The following CHMP4A variants were observed in gnomAD, a reference collection of about 807,000 sequenced individuals.
The protein encoded by CHMP4A is charged multivesicular body protein 4A.
In CHMP4A, 29 loss-of-function variants were observed where a neutral mutation model predicts 28.2. That is an observed-to-expected ratio of 1.03 (90% confidence interval 0.77 to 1.40). The LOEUF (loss-of-function observed/expected upper bound fraction) is 1.40. CHMP4A is among the 40% of genes most tolerant of loss of function. The pLI is 0.00. For synonymous variants in CHMP4A, 88 were observed against 99.3 expected, an observed-to-expected ratio of 0.89 and a Z score of 0.67; for missense variants, 241 against 263.5, an observed-to-expected ratio of 0.91 and a Z score of 0.59.
chr14:24,210,036 GTCTCCCCAGC>G, intron 5 of CHMP4A, 101 bp from the exon 6 acceptor site: 2 of 1,152,422 alleles, frequency 1.7e-6, no homozygotes, highest in Admixed American at 1.7e-5. Context: ...GCTGAATTCT[GTCTCCCCAGC>G]AAAAAACCTA....
Position 24,210,683 on chromosome 14 carries a change from G to A in CHMP4A, c.445C>T (p.Pro149Ser). Residue 149 changes from proline to serine, a missense_variant, in exon 4 of 6, where the codon CCT becomes TCT. Transcript: ENST00000347519. ...TCCACATCATCTCCAAAGCCCATAGGCCGAGAAATGGCATCTGAGATCTGC... is the reference window on the plus strand; with the variant it reads ...TCCACATCATCTCCAAAGCCCATAGACCGAGAAATGGCATCTGAGATCTGC... ...AQQISDAISRPMGFGDDVDED... is the reference protein window; with the variant it reads ...AQQISDAISRSMGFGDDVDED... 1.2e-6 allele frequency: 2 copies of A among 1,613,880 alleles called. No individual in the cohort carries two copies. Among genetic ancestry groups the A allele is most frequent in the Non-Finnish European group, 8.5e-7 (1 of 1,179,844 alleles).
rs1219149472 is a variant in CHMP4A, at chr14:24,209,761, A to G, written c.*116T>C. 2.1e-6 allele frequency: 2 copies of G among 958,494 alleles called. No individual in the cohort carries two copies. The highest frequency in any genetic ancestry group is 3.4e-6 in the Non-Finnish European group (2 of 594,568). 59.4% of individuals were successfully genotyped at this position (958,494 alleles called of 1,614,324 possible). Reference sequence around the variant, plus strand: ...AGAGACCCTTTTTTCAGGCAGGGTCACACTACCACCCTCAGCATGACTTCC... The same window carrying G: ...AGAGACCCTTTTTTCAGGCAGGGTCGCACTACCACCCTCAGCATGACTTCC... On this transcript the variant is annotated 3_prime_UTR_variant, in exon 6 of 6. Transcript: ENST00000347519.
intron 5 of CHMP4A, 141 bp downstream of exon 5, chr14:24,210,207 A>G (rs61998486): frequency 1.7e-6 from 2 of 1,146,830 alleles, no homozygotes; most frequent in Non-Finnish European, 2.5e-6. Context: ...GTGGGTGCCT[A>G]TATGCAGTCA....
intron 1 of CHMP4A, 42 bp downstream of exon 1, chr14:24,213,367 C>T: frequency 6.5e-7 from 1 of 1,526,956 alleles, no homozygotes; most frequent in Non-Finnish European, 8.7e-7. Flanking sequence ...TTCCCCTGCA[C>T]CAGCCAGCGC....
chr14:24,210,370 A>G lies in CHMP4A; in HGVS notation c.588T>C (p.Ser196=). 1 of 1,614,086 alleles carries G rather than the reference A, an allele frequency of 6.2e-7. No homozygotes were observed. The highest frequency in any genetic ancestry group is 8.5e-7 in the Non-Finnish European group (1 of 1,180,006). The change falls in exon 5 of 6, where the codon TCT becomes TCC. Residue 196 remains serine, a synonymous_variant. Coordinates refer to ENST00000347519, the MANE Select transcript of CHMP4A (RefSeq NM_014169.5). ...EPSVKLPSVP[S]THLPAGPAPK... ...TACCTGGCCCTGCCGGCAGATGAGT[A>G]GAAGGTACACTAGGCAATTTGACTG...
At chr14:24,209,985 T>C (rs536322257) in intron 5 of CHMP4A, 50 bp from the exon 6 acceptor site, 7 of 1,516,592 alleles carry the variant, frequency 4.6e-6, no homozygotes, top group Non-Finnish European at 6.4e-6. Flanking sequence ...CAGTAAGGTC[T>C]CAGCAACTCC....
In CHMP4A at chr14:24,210,387, A is replaced by G. The variant is rs2039581355; in HGVS notation, c.571T>C (p.Leu191=). 6.2e-7 allele frequency: 1 copy of G among 1,613,950 alleles called. No individual in the cohort carries two copies. The highest frequency in any genetic ancestry group is 8.5e-7 in the Non-Finnish European group (1 of 1,180,016). ...GDKEEEPSVK[L]PSVPSTHLPA... ...AGATGAGTAGAAGGTACACTAGGCA[A>G]TTTGACTGAGGGTTCTTCTTCCTTG... Residue 191 remains leucine (L), a synonymous_variant, in exon 5 of 6, where the codon TTG becomes CTG. Coordinates refer to ENST00000347519, the MANE Select transcript of CHMP4A (RefSeq NM_014169.5).
intron 3 of CHMP4A, chr14:24,211,133 G>A (rs1344806585): frequency 1.2e-5 from 5 of 413,242 alleles, no homozygotes; most frequent in East Asian, 4.2e-5. Context: ...GCAGTGAGCC[G>A]AGATTGTGCC....
intron 3 of CHMP4A, 136 bp downstream of exon 3, chr14:24,211,279 G>A (rs2039588419): frequency 1.4e-6 from 1 of 720,394 alleles, no homozygotes; most frequent in Non-Finnish European, 2.2e-6. Context: ...TAGGAAGCAA[G>A]GGGCAGATGG....
At chr14:24,210,918 T>C (rs1566658898) in intron 3 of CHMP4A, 150 bp from the exon 4 acceptor site, 1 of 640,696 alleles carries the variant, frequency 1.6e-6, no homozygotes, top group East Asian at 2.8e-5. Flanking sequence ...ATTGCAAAGA[T>C]GCAAGTTGTG....
Position 24,210,385 on chromosome 14 carries a change from C to G in CHMP4A, c.573G>C (p.Leu191Phe). Residue 191 changes from leucine to phenylalanine, a missense_variant, in exon 5 of 6, where the codon TTG (leucine) becomes TTC (phenylalanine). Physicochemically the swap from Leu to Phe is conservative, Grantham distance 22. Transcript: ENST00000347519. ...GCAGATGAGTAGAAGGTACACTAGGCAATTTGACTGAGGGTTCTTCTTCCT... is the reference window on the plus strand; with the variant it reads ...GCAGATGAGTAGAAGGTACACTAGGGAATTTGACTGAGGGTTCTTCTTCCT... ...GDKEEEPSVKLPSVPSTHLPA... is the reference protein window; with the variant it reads ...GDKEEEPSVKFPSVPSTHLPA... 6.2e-7 allele frequency: 1 copy of G among 1,614,058 alleles called. No individual in the cohort carries two copies. The highest frequency in any genetic ancestry group is 8.5e-7 in the Non-Finnish European group (1 of 1,180,000).
At chr14:24,210,023 C>T in intron 5 of CHMP4A, 88 bp from the exon 6 acceptor site, 3 of 1,236,262 alleles carry the variant, frequency 2.4e-6, no homozygotes, top group South Asian at 1.2e-5. Context: ...ACATTCAGAG[C>T]CTGCTGAATT....
chr14:24,213,108 C>A, intron 1 of CHMP4A: 1 of 423,558 alleles, frequency 2.4e-6, no homozygotes, highest in Non-Finnish European at 4.2e-6. Context: ...GTCTTCAAGC[C>A]TGAACAGTGG....
At chr14:24,212,554 A>ATTT (rs71119066) in intron 1 of CHMP4A, 17 of 315,598 alleles carry the variant, frequency 5.4e-5, no homozygotes, top group South Asian at 1.2e-4. Flanking sequence ...TGCCCACCTA[A>ATTT]TTTTTTTTTT....
intron 1 of CHMP4A, chr14:24,212,672 A>G: frequency 3.2e-6 from 1 of 308,658 alleles, no homozygotes. Context: ...CACCTGTCTC[A>G]GCCTCCCCCA....
intron 3 of CHMP4A, 140 bp downstream of exon 3, chr14:24,211,275 G>C: frequency 1.4e-6 from 1 of 700,806 alleles, no homozygotes; most frequent in Non-Finnish European, 2.3e-6. Context: ...TTTATAGGAA[G>C]CAAGGGGCAG....
rs1365307453 is a variant in CHMP4A, at chr14:24,211,408, T to C, written c.359+7A>G. On this transcript the variant is annotated splice_region_variant and intron_variant, in intron 3 of 5. Transcript: ENST00000347519. ...TGGGTCCCCTCCACCCCTCCCCCCG[T>C]ACCCACATGTCCTGGTAGGCCTTCT... The C allele has an allele frequency of 6.3e-7, 1 of 1,595,762 alleles. No homozygotes were observed. Among genetic ancestry groups the C allele is most frequent in the Non-Finnish European group, 8.6e-7 (1 of 1,165,272 alleles).
In CHMP4A at chr14:24,210,466, C is replaced by A; in HGVS notation, c.492G>T (p.Glu164Asp). The change falls in exon 5 of 6, where the codon GAG (glutamate) becomes GAT (aspartate). Residue 164 changes from glutamate (E) to aspartate (D), a missense_variant. Transcript: ENST00000347519. ...ATTCCTCCTGCTCCAGCTCCTCTAG[C>A]TCCTCCAGCAGTTCATCCTGGATAG... ...DDVDEDELLE[E>D]LEELEQEELA... 3 of 1,614,098 alleles carry A rather than the reference C, an allele frequency of 1.9e-6. No homozygotes were observed. The highest frequency in any genetic ancestry group is 2.5e-6 in the Non-Finnish European group (3 of 1,179,978).
At chr14:24,212,873 T>C (rs1398830517) in intron 1 of CHMP4A, 1 of 155,932 alleles carries the variant, frequency 6.4e-6, no homozygotes, top group African/African-American at 2.4e-5. Flanking sequence ...GGCCAATTTT[T>C]ATATTTTTAG....
Sources: gnomAD v4.1 joint callset for allele counts on GRCh38, gnomAD v4.1.1 for gene constraint, MANE v1.5 for transcripts, NCBI Gene and HGNC (gene_info 2026-07-23, HGNC 2026-07-21) for gene names.